The following DPYSL3 variants were observed in gnomAD, a reference collection of about 807,000 sequenced individuals.
DPYSL3 encodes the protein dihydropyrimidinase like 3.
DPYSL3 carries 16 observed loss-of-function variants against 66.1 expected under a neutral mutation model. That is an observed-to-expected ratio of 0.24 (90% CI 0.16 to 0.37). The LOEUF (loss-of-function observed/expected upper bound fraction) is 0.37, where lower values mean the gene tolerates loss of function less well. DPYSL3 is among the 10% of genes least tolerant of loss of function. DPYSL3 has a pLI of 1.00. For missense variants in DPYSL3, 738 were observed against 916.2 expected, an observed-to-expected ratio of 0.81 and a Z score of 2.51; for synonymous variants, 338 against 345.1, an observed-to-expected ratio of 0.98 and a Z score of 0.23.
intron 13 of DPYSL3, among the ~76,000 whole-genome samples, chr5:147,395,155 C>A (rs1010991409): frequency 2.6e-5 from 4 of 152,164 alleles, no homozygotes; most frequent in Non-Finnish European, 5.9e-5. Flanking sequence ...GACGCTACTG[C>A]AATTTGAGCA....
chr5:147,410,800 A>C (rs2152020279), intron 6 of DPYSL3, among the ~76,000 whole-genome samples: 1 of 152,278 alleles, frequency 6.6e-6, no homozygotes, highest in Middle Eastern at 3.4e-3. Context: ...CCTTCATTTA[A>C]ACAATGTGAT....
At chr5:147,428,957 TTAAAATAAAA>T (rs764358193) in intron 1 of DPYSL3, among the ~76,000 whole-genome samples, 4 of 152,054 alleles carry the variant, frequency 2.6e-5, no homozygotes, top group Non-Finnish European at 5.9e-5. Context: ...ATCCCAGAAC[TTAAAATAAAA>T]TAAAATAAAA....
chr5:147,432,525 T>C (rs12657083), intron 1 of DPYSL3, among the ~76,000 whole-genome samples: 9,305 of 152,218 alleles, frequency 0.061, 728 homozygotes, highest in African/African-American at 0.17. Context: ...TAATCCTAGC[T>C]CCCGATAATG....
intron 1 of DPYSL3, among the ~76,000 whole-genome samples, chr5:147,481,194 G>A (rs1753237970): frequency 6.6e-6 from 1 of 152,162 alleles, no homozygotes; most frequent in Non-Finnish European, 1.5e-5. Flanking sequence ...ATAGCTGTGT[G>A]ACAGTTGGCA....
intron 2 of DPYSL3, among the ~76,000 whole-genome samples, chr5:147,421,678 C>T (rs1337433419): frequency 6.6e-6 from 1 of 152,138 alleles, no homozygotes; most frequent in Non-Finnish European, 1.5e-5. Context: ...ACCAATGGAA[C>T]AGAGCAGAGG....
At chr5:147,434,288 T>C (rs949488706) in intron 1 of DPYSL3, among the ~76,000 whole-genome samples, 2 of 152,182 alleles carry the variant, frequency 1.3e-5, no homozygotes, top group African/African-American at 4.8e-5. Context: ...CATGTCCCTC[T>C]TTGGTCTGGA....
In DPYSL3 at chr5:147,415,761, G is replaced by A. The variant is rs777263653; in HGVS notation, c.768C>T (p.Thr256=). 2.5e-6 allele frequency: 4 copies of A among 1,614,032 alleles called. No individual in the cohort carries two copies. Among genetic ancestry groups the A allele is most frequent in the South Asian group, 2.2e-5 (2 of 91,082 alleles). ...CCDYALHVDI[T]HWNDSVKQEV... ...CCTGCTTGACGCTGTCATTCCAGTG[G>A]GTGATGTCCACATGCAGGGCATAGT... is the stretch of plus-strand genomic sequence containing the variant. The change falls in exon 4 of 14, where the codon ACC becomes ACT. Residue 256 remains threonine (T), a synonymous_variant. Transcript: ENST00000343218.
At chr5:147,433,209 G>A (rs1023691282) in intron 1 of DPYSL3, among the ~76,000 whole-genome samples, 4 of 152,194 alleles carry the variant, frequency 2.6e-5, no homozygotes, top group Admixed American at 1.3e-4. Flanking sequence ...AGAAGCAAGA[G>A]TAGGACTCAA....
At chr5:147,469,053 C>T (rs1040265309) in intron 1 of DPYSL3, among the ~76,000 whole-genome samples, 2 of 152,240 alleles carry the variant, frequency 1.3e-5, no homozygotes, top group African/African-American at 4.8e-5. Flanking sequence ...TCAGCCACCA[C>T]CAGGGACAGA....
intron 1 of DPYSL3, among the ~76,000 whole-genome samples, chr5:147,460,232 G>A (rs928433408): frequency 6.6e-6 from 1 of 152,202 alleles, no homozygotes; most frequent in Non-Finnish European, 1.5e-5. Flanking sequence ...AAAAACTCTT[G>A]ACAGCTCTGC....
rs140069207 is a variant in DPYSL3 at position 147,491,110 on chromosome 5, A to G, written c.381+18368T>C. On this transcript the variant is annotated intron_variant, in intron 1 of 13. Transcript: ENST00000343218. Reference sequence around the variant, plus strand: ...TCAGAGCCTAACCTACTTGGAGAACAAAATAATACCCAACTCCAGCGAGCT... The same window carrying G: ...TCAGAGCCTAACCTACTTGGAGAACGAAATAATACCCAACTCCAGCGAGCT... 5.4e-3 allele frequency among the ~76,000 whole-genome samples: 830 copies of G among 152,332 alleles called. 12 individuals are homozygous for G. The highest frequency in any genetic ancestry group is 0.019 in the African/African-American group (782 of 41,570).
chr5:147,433,900 C>CGG (rs1433640259), intron 1 of DPYSL3, among the ~76,000 whole-genome samples: 1 of 151,946 alleles, frequency 6.6e-6, no homozygotes, highest in Non-Finnish European at 1.5e-5. Flanking sequence ...GGCGTGGTGG[C>CGG]ATCCCTGTAA....
intron 8 of DPYSL3, among the ~76,000 whole-genome samples, chr5:147,404,065 T>C (rs766862344): frequency 6.6e-6 from 1 of 151,936 alleles, no homozygotes; most frequent in Non-Finnish European, 1.5e-5. Flanking sequence ...TTGGCAGGGG[T>C]GTGTGTGTGC....
chr5:147,446,580 C>T (rs1322139736), intron 1 of DPYSL3, among the ~76,000 whole-genome samples: 1 of 152,136 alleles, frequency 6.6e-6, no homozygotes, highest in Non-Finnish European at 1.5e-5. Context: ...GTTAATGTTT[C>T]TCCGCGTGAC....
chr5:147,426,440 C>T (rs1272303472), intron 1 of DPYSL3, among the ~76,000 whole-genome samples: 1 of 152,082 alleles, frequency 6.6e-6, no homozygotes, highest in Admixed American at 6.6e-5. Flanking sequence ...AATGAAAATA[C>T]ACTGAGACAT....
At chr5:147,401,742 C>T (rs766300262) in intron 8 of DPYSL3, 46 bp from the exon 9 acceptor site, 8 of 1,607,392 alleles carry the variant, frequency 5.0e-6, no homozygotes, top group Non-Finnish European at 6.8e-6. Flanking sequence ...AAAGTATATG[C>T]TGCACTGGGC....
intron 1 of DPYSL3, among the ~76,000 whole-genome samples, chr5:147,458,688 C>A (rs897956361): frequency 3.9e-5 from 6 of 152,108 alleles, no homozygotes; most frequent in African/African-American, 1.4e-4. Flanking sequence ...ACCAGTAAGC[C>A]TGGTTGTGGA....
In DPYSL3 at chr5:147,392,225, A is replaced by C. The variant is rs1251641244; in HGVS notation, c.*1810T>G. On this transcript the variant is annotated 3_prime_UTR_variant, in exon 14 of 14. Transcript: ENST00000343218. ...TTTCCCTTTTACTACATCTCCCTTA[A>C]AAGAAAAGCACTACAAGAGCTTTAA... 1 of 152,206 alleles carries C rather than the reference A, an allele frequency of 6.6e-6. No homozygotes were observed. Among genetic ancestry groups the C allele is most frequent in the Non-Finnish European group, 1.5e-5 (1 of 68,040 alleles). The allele number at this position is 152,206 out of a possible 1,614,324, so 9.4% of individuals were successfully genotyped here. A position where few individuals can be genotyped will look rare whatever the true frequency, so the allele number is the denominator to read the frequency against.
intron 1 of DPYSL3, among the ~76,000 whole-genome samples, chr5:147,502,560 G>A (rs905820719): frequency 1.5e-4 from 22 of 148,396 alleles, no homozygotes; most frequent in Non-Finnish European, 2.7e-4. Context: ...CATAGCTGTG[G>A]CTTAATAATG....
Sources: gnomAD v4.1 joint callset for allele counts (sites outside exome capture counted in the v4.1 genomes callset) on GRCh38, gnomAD v4.1.1 for gene constraint, MANE v1.5 for transcripts, NCBI Gene and HGNC (gene_info 2026-07-23, HGNC 2026-07-21) for gene names.